Variants in ZFAND3 observed in about 807,000 individuals in gnomAD.
ZFAND3 encodes zinc finger AN1-type containing 3, also known as AN1-type zinc finger protein 3.
A neutral mutation model predicts 29.6 loss-of-function variants in ZFAND3; 10 were observed. The observed-to-expected ratio is 0.34, with a 90% CI of 0.21 to 0.57. The LOEUF is 0.57. Among genes scored for constraint, ZFAND3 ranks in the 20% least tolerant of loss-of-function variants. The pLI, the probability that ZFAND3 is intolerant of heterozygous loss-of-function variation, is 0.86. For missense variants in ZFAND3, 230 were observed against 304.5 expected (o/e 0.76, Z 1.82); for synonymous variants, 128 against 112.6 (o/e 1.14, Z -0.87).
intron 3 of ZFAND3, among the ~76,000 whole-genome samples, chr6:38,076,288 C>G (rs976850636): frequency 1.3e-5 from 2 of 152,068 alleles, no homozygotes; most frequent in Non-Finnish European, 2.9e-5. Context: ...GACTCTACAA[C>G]ATAGTATAAA....
chr6:38,118,102 T>A (rs1342432426), intron 5 of ZFAND3, among the ~76,000 whole-genome samples: 1 of 152,032 alleles, frequency 6.6e-6, no homozygotes. Flanking sequence ...GTAAAGAGGG[T>A]TAGGATAGGT....
At chr6:38,121,350 A>T (rs1459265845) in intron 5 of ZFAND3, among the ~76,000 whole-genome samples, 1 of 152,240 alleles carries the variant, frequency 6.6e-6, no homozygotes, top group African/African-American at 2.4e-5. Flanking sequence ...GCACTGCAGC[A>T]TGGGCAACAG....
At chr6:38,026,206 A>G (rs1300051706) in intron 2 of ZFAND3, among the ~76,000 whole-genome samples, 2 of 152,066 alleles carry the variant, frequency 1.3e-5, no homozygotes, top group East Asian at 3.9e-4. Flanking sequence ...ATACTGGATC[A>G]TTTTTATACT....
chr6:37,879,925 C>T (rs1219761624), intron 1 of ZFAND3, among the ~76,000 whole-genome samples: 2 of 152,168 alleles, frequency 1.3e-5, no homozygotes, highest in African/African-American at 4.8e-5. Flanking sequence ...GTACTAACCA[C>T]CTGGCTGTAT....
At chr6:37,926,816 T>C (rs1038093625) in intron 1 of ZFAND3, among the ~76,000 whole-genome samples, 1 of 152,166 alleles carries the variant, frequency 6.6e-6, no homozygotes, top group Admixed American at 6.5e-5. Flanking sequence ...GCAAGTTGAT[T>C]ACACTGCTTT....
intron 2 of ZFAND3, among the ~76,000 whole-genome samples, chr6:37,937,992 T>C (rs2127415909): frequency 6.6e-6 from 1 of 152,332 alleles, no homozygotes; most frequent in Middle Eastern, 3.4e-3. Context: ...TTTTTTCTTA[T>C]CACACTAAAA....
At chr6:38,134,684 G>A (rs903797428) in intron 5 of ZFAND3, among the ~76,000 whole-genome samples, 2 of 152,156 alleles carry the variant, frequency 1.3e-5, no homozygotes, top group East Asian at 1.9e-4. Flanking sequence ...TTCTGCTTCT[G>A]GAAAGTGCTT....
chr6:37,995,623 C>A lies in ZFAND3; in HGVS notation c.112+65624C>A, dbSNP rs529951896. Reference sequence around the variant, plus strand: ...AATTGTTGCCTATATATGTTATGTACTGTGCCTGGGGAGGGGAAATACAAA... The same window carrying A: ...AATTGTTGCCTATATATGTTATGTAATGTGCCTGGGGAGGGGAAATACAAA... On this transcript the variant is annotated intron_variant, in intron 2 of 5. Transcript: ENST00000287218. Among the ~76,000 whole-genome samples the A allele has an allele frequency of 9.2e-5, 14 of 152,204 alleles. No homozygotes were observed. In the South Asian group the frequency reaches 2.9e-3, roughly 32 times the overall value.
intron 1 of ZFAND3, among the ~76,000 whole-genome samples, chr6:37,885,698 A>C (rs1009544185): frequency 1.3e-5 from 2 of 152,122 alleles, no homozygotes; most frequent in Admixed American, 6.5e-5. Context: ...AAGAATTTCA[A>C]CCTTATTTGA....
Position 37,991,754 on chromosome 6 carries a change from C to T in ZFAND3, c.112+61755C>T, listed in dbSNP as rs576406563. Among the ~76,000 whole-genome samples, 128 of 152,290 alleles carry T rather than the reference C, an allele frequency of 8.4e-4. 1 individual carries two copies. The highest frequency in any genetic ancestry group is 3.1e-3 in the African/African-American group (127 of 41,558). On this transcript the variant is annotated intron_variant, in intron 2 of 5. Transcript: ENST00000287218. ...CATTTAGCAAATATCCGAGTACCCA[C>T]TGTGTGTCTGTCAGTTTTCTTACGC...
At chr6:38,053,969 A>G (rs1581876744) in intron 2 of ZFAND3, among the ~76,000 whole-genome samples, 1 of 152,182 alleles carries the variant, frequency 6.6e-6, no homozygotes, top group East Asian at 1.9e-4. Flanking sequence ...GTATTACTCA[A>G]ATTGCAGATT....
In ZFAND3 at chr6:37,852,971, G is replaced by C. The variant is rs986284396; in HGVS notation, c.71+32955G>C. On this transcript the variant is annotated intron_variant, in intron 1 of 5. Coordinates refer to ENST00000287218, the MANE Select transcript of ZFAND3 (RefSeq NM_021943.3). ...TTCACTATAGATGTCTTTGTGAGAA[G>C]GTTTGGTACTTTTCAAAACCTGTTG... 5.9e-5 allele frequency among the ~76,000 whole-genome samples: 9 copies of C among 152,172 alleles called. No homozygotes were observed. In the South Asian group the frequency reaches 1.9e-3, roughly 32 times the overall value.
At chr6:37,837,943 G>A (rs1200017740) in intron 1 of ZFAND3, among the ~76,000 whole-genome samples, 1 of 152,186 alleles carries the variant, frequency 6.6e-6, no homozygotes, top group African/African-American at 2.4e-5. Flanking sequence ...GCAACTTGAT[G>A]TTACTTTATT....
intron 2 of ZFAND3, chr6:38,003,836 A>G (rs899002005): frequency 2.2e-6 from 1 of 449,818 alleles, no homozygotes; most frequent in African/African-American, 2.0e-5. Flanking sequence ...CTATTTGTAT[A>G]TCTTTTTCCT....
At chr6:38,091,889 G>A (rs935440062) in intron 4 of ZFAND3, among the ~76,000 whole-genome samples, 1 of 152,120 alleles carries the variant, frequency 6.6e-6, no homozygotes, top group Admixed American at 6.5e-5. Flanking sequence ...CTGATGCAGC[G>A]AGGGCTAATA....
At chr6:37,878,318 T>C (rs1394156863) in intron 1 of ZFAND3, among the ~76,000 whole-genome samples, 3 of 152,148 alleles carry the variant, frequency 2.0e-5, no homozygotes, top group Non-Finnish European at 4.4e-5. Flanking sequence ...GATGCAGCAC[T>C]ATGTGTGAGC....
chr6:37,910,057 A>G (rs1765492616), intron 1 of ZFAND3, among the ~76,000 whole-genome samples: 1 of 152,230 alleles, frequency 6.6e-6, no homozygotes, highest in African/African-American at 2.4e-5. Flanking sequence ...CATGTCATCA[A>G]CTGATTTGAG....
At chr6:37,916,668 A>T (rs1343848209) in intron 1 of ZFAND3, among the ~76,000 whole-genome samples, 1 of 152,204 alleles carries the variant, frequency 6.6e-6, no homozygotes, top group Non-Finnish European at 1.5e-5. Context: ...CGAAAAAAGA[A>T]AAAAGTAAGG....
intron 2 of ZFAND3, among the ~76,000 whole-genome samples, chr6:38,017,696 C>G (rs1410372278): frequency 6.6e-6 from 1 of 151,144 alleles, no homozygotes; most frequent in Non-Finnish European, 1.5e-5. Flanking sequence ...ACTCCTGCTC[C>G]CATTAAAAAA....
Sources: allele counts gnomAD v4.1 joint callset (sites outside exome capture counted in the v4.1 genomes callset), GRCh38; gene constraint gnomAD v4.1.1; transcripts MANE v1.5; gene names NCBI Gene and HGNC (gene_info 2026-07-23, HGNC 2026-07-21).